INPP5A: variants seen among roughly 807,000 people sequenced by gnomAD.
INPP5A encodes the protein 43 kDa inositol polyphosphate 5-phophatase.
In INPP5A, 14 loss-of-function variants were observed where a neutral mutation model predicts 65.2. That is an observed-to-expected ratio of 0.21 (90% CI 0.14 to 0.34). The LOEUF is 0.34. Ranked by LOEUF, INPP5A falls within the 10% of genes least tolerant of loss-of-function variation. The pLI is 1.00. For synonymous variants in INPP5A, 207 were observed against 208.3 expected (o/e 0.99, Z 0.05); for missense variants, 431 against 545.6 (o/e 0.79, Z 2.09).
At position 132,545,049 on chromosome 10, in the gene INPP5A, C is replaced by A. The variant is rs923979112; in HGVS notation, c.75+6878C>A. On this transcript the variant is annotated intron_variant, in intron 1 of 15. Transcript: ENST00000368594. This position sits in a 1 kb window ranked among gnomAD's most constrained non-coding sequence, Gnocchi z 4.6. ...GTCTGCACGTAGGCGTGGTCACGTC[C>A]GTCCCTGTTGCCTGCGCTGCTCCGA... Among the ~76,000 whole-genome samples the A allele has an allele frequency of 1.7e-4, 26 of 152,238 alleles. No homozygotes were observed. Among genetic ancestry groups the A allele is most frequent in the African/African-American group, 6.3e-4 (26 of 41,528 alleles).
intron 4 of INPP5A, among the ~76,000 whole-genome samples, chr10:132,652,874 C>T (rs906391441): frequency 5.3e-5 from 8 of 152,272 alleles, no homozygotes; most frequent in South Asian, 2.1e-4. Context: ...ACATAGCGGT[C>T]GTGAACGTGC....
At position 132,542,415 on chromosome 10, in the gene INPP5A, G is replaced by A. The variant is rs572585587; in HGVS notation, c.75+4244G>A. ...GGTATGGAGTCGGTGATGGTCAGTG[G>A]TGCAGGCTGGCGTCTCTCTCTGGTA... is the stretch of plus-strand genomic sequence containing the variant. On this transcript the variant is annotated intron_variant, in intron 1 of 15. Transcript: ENST00000368594. 3.9e-5 allele frequency among the ~76,000 whole-genome samples: 6 copies of A among 152,128 alleles called. No homozygotes were observed. The South Asian group carries it at 1.2e-3, about 32-fold the overall frequency.
At chr10:132,755,972 C>A (rs991915441) in intron 11 of INPP5A, among the ~76,000 whole-genome samples, 4 of 152,222 alleles carry the variant, frequency 2.6e-5, no homozygotes, top group African/African-American at 4.8e-5. Flanking sequence ...TGTCCAGGCA[C>A]ACCTGTGCAC....
chr10:132,692,063 C>T (rs1261940191), intron 5 of INPP5A, among the ~76,000 whole-genome samples: 3 of 151,968 alleles, frequency 2.0e-5, no homozygotes, highest in Non-Finnish European at 2.9e-5. Context: ...TCGGGCTGGG[C>T]GGTTGGGCTC....
At position 132,547,621 on chromosome 10, in the gene INPP5A, G is replaced by A. The variant is rs953160033; in HGVS notation, c.75+9450G>A. Among the ~76,000 whole-genome samples, 3 of 152,150 alleles carry A rather than the reference G, an allele frequency of 2.0e-5. No individual in the cohort carries two copies. Among genetic ancestry groups the A allele is most frequent in the South Asian group, 2.1e-4 (1 of 4,826 alleles). ...CCATCTCCTCCTTCTCTACCCAAGC[G>A]CCCGTGGCCTGAACAGGACTTGGTT... On this transcript the variant is annotated intron_variant, in intron 1 of 15. Coordinates refer to ENST00000368594, the MANE Select transcript of INPP5A (RefSeq NM_005539.5). This position sits in a 1 kb window ranked among gnomAD's most constrained non-coding sequence, Gnocchi z 5.5.
chr10:132,578,148 T>C (rs1331724150), intron 1 of INPP5A, among the ~76,000 whole-genome samples: 1 of 152,182 alleles, frequency 6.6e-6, no homozygotes, highest in Non-Finnish European at 1.5e-5. Flanking sequence ...ATTATTATGC[T>C]CTCTACAGAA....
rs1159211723 is a variant in INPP5A at position 132,616,240 on chromosome 10, T to C, written c.117+8284T>C. Among the ~76,000 whole-genome samples the C allele has an allele frequency of 6.6e-6, 1 of 151,892 alleles. No individual in the cohort carries two copies. The highest frequency in any genetic ancestry group is 1.5e-5 in the Non-Finnish European group (1 of 67,910). ...AGGGTGGCGTGGGAGGCAGCTGCAG[T>C]GGGAGGTGCCTGTGCTTTGTTGGTT... On this transcript the variant is annotated intron_variant, in intron 2 of 15. Coordinates refer to ENST00000368594, the MANE Select transcript of INPP5A (RefSeq NM_005539.5). The surrounding 1 kb of genome is among the most constrained non-coding windows in gnomAD (Gnocchi z 4.9).
intron 4 of INPP5A, among the ~76,000 whole-genome samples, chr10:132,666,460 C>CACCTTTA (rs1425760160): frequency 2.0e-5 from 3 of 152,172 alleles, no homozygotes; most frequent in Non-Finnish European, 2.9e-5. Context: ...GGAATTTAGA[C>CACCTTTA]AGTTAAAGTA....
At chr10:132,652,662 G>T (rs926259497) in intron 4 of INPP5A, among the ~76,000 whole-genome samples, 1 of 152,146 alleles carries the variant, frequency 6.6e-6, no homozygotes, top group Admixed American at 6.5e-5. Context: ...GGGGACCATC[G>T]CTCAGCTCTT....
chr10:132,679,032 TGGGA>T (rs2073007722), intron 4 of INPP5A, among the ~76,000 whole-genome samples: 3 of 152,194 alleles, frequency 2.0e-5, no homozygotes, highest in African/African-American at 7.2e-5. Context: ...AGGACGTGGC[TGGGA>T]GGAAGTGCAG....
chr10:132,572,790 G>A (rs963433877), intron 1 of INPP5A, among the ~76,000 whole-genome samples: 1 of 152,148 alleles, frequency 6.6e-6, no homozygotes, highest in African/African-American at 2.4e-5. Flanking sequence ...GCCTCTGCTG[G>A]GCGTCTGTCT....
intron 1 of INPP5A, among the ~76,000 whole-genome samples, chr10:132,559,861 C>T (rs766787946): frequency 3.5e-4 from 53 of 152,232 alleles, no homozygotes; most frequent in Non-Finnish European, 5.6e-4. Context: ...GTTTATTGTG[C>T]GGAGATCACA....
chr10:132,543,869 G>A (rs987772901), intron 1 of INPP5A, among the ~76,000 whole-genome samples: 1 of 152,182 alleles, frequency 6.6e-6, no homozygotes, highest in Non-Finnish European at 1.5e-5. Flanking sequence ...CTTTAAGTTC[G>A]GGTGAACAGT....
intron 4 of INPP5A, among the ~76,000 whole-genome samples, chr10:132,670,929 G>A (rs1206646575): frequency 6.6e-6 from 1 of 151,104 alleles, no homozygotes; most frequent in African/African-American, 2.4e-5. Context: ...ACTGCAAACG[G>A]CGGTGACGGC....
chr10:132,757,507 C>T (rs1846646251), intron 11 of INPP5A, among the ~76,000 whole-genome samples: 1 of 152,260 alleles, frequency 6.6e-6, no homozygotes, highest in African/African-American at 2.4e-5. Context: ...TCCCACTGTA[C>T]AGCCCAGGCG....
chr10:132,716,165 C>T (rs115490213), intron 8 of INPP5A, among the ~76,000 whole-genome samples: 1,651 of 152,362 alleles, frequency 0.011, 39 homozygotes, highest in African/African-American at 0.037. Flanking sequence ...GCACCCTGCA[C>T]GTTCTCCGCA....
Position 132,550,539 on chromosome 10 carries a change from C to T in INPP5A, c.75+12368C>T, listed in dbSNP as rs1048213027. 1.3e-5 allele frequency among the ~76,000 whole-genome samples: 2 copies of T among 152,236 alleles called. No individual in the cohort carries two copies. Among genetic ancestry groups the T allele is most frequent in the African/African-American group, 2.4e-5 (1 of 41,460 alleles). ...GCTGAGCTTTTCCGTGAACCGGCAG[C>T]TGTGTCCCTTGACGTGCTGAGAGGG... On this transcript the variant is annotated intron_variant, in intron 1 of 15. Coordinates refer to ENST00000368594, the MANE Select transcript of INPP5A (RefSeq NM_005539.5). The surrounding 1 kb of genome is among the most constrained non-coding windows in gnomAD (Gnocchi z 4.2).
chr10:132,726,985 T>C (rs1380676478), intron 9 of INPP5A, 80 bp downstream of exon 9: 4 of 938,288 alleles, frequency 4.3e-6, no homozygotes, highest in African/African-American at 3.4e-5. Context: ...CGTGGCCCCT[T>C]ACTGGCACTT....
intron 1 of INPP5A, among the ~76,000 whole-genome samples, chr10:132,558,717 C>T (rs1055005213): frequency 6.6e-6 from 1 of 152,244 alleles, no homozygotes; most frequent in Non-Finnish European, 1.5e-5. Context: ...AGCCTAGCCT[C>T]GCTGCCATCG....
Sources: gnomAD v4.1 joint callset for allele counts (sites outside exome capture counted in the v4.1 genomes callset) on GRCh38, gnomAD v4.1.1 for gene constraint, Gnocchi (gnomAD v3.1) non-coding constraint, MANE v1.5 for transcripts, NCBI Gene and HGNC (gene_info 2026-07-23, HGNC 2026-07-21) for gene names.